ADCY8: variants seen among roughly 807,000 people sequenced by gnomAD.
The protein encoded by ADCY8 is adenylate cyclase 8, also known as adenylate cyclase type 8.
Under a neutral mutation model 119.7 loss-of-function variants are expected in ADCY8, and 51 were observed. The observed-to-expected ratio is 0.43, with a 90% CI of 0.34 to 0.54. The LOEUF (loss-of-function observed/expected upper bound fraction) is 0.54. ADCY8 is among the 20% of genes least tolerant of loss of function. ADCY8 has a pLI of 0.03. For synonymous variants in ADCY8, 665 were observed against 651.0 expected (o/e 1.02, Z -0.33); for missense variants, 1,383 against 1,598.8 (o/e 0.87, Z 2.30).
At chr8:130,952,911 G>C (rs1223646482) in intron 2 of ADCY8, among the ~76,000 whole-genome samples, 2 of 152,188 alleles carry the variant, frequency 1.3e-5, no homozygotes, top group African/African-American at 4.8e-5. Context: ...AGGCTTACAA[G>C]GCACTAGCTC....
rs1178042245 is a variant in ADCY8, at chr8:130,827,435, C to T, written c.2676-6015G>A. On this transcript the variant is annotated intron_variant, in intron 12 of 17. Coordinates refer to ENST00000286355, the MANE Select transcript of ADCY8 (RefSeq NM_001115.3). ...GATTAGGGTGGGGCAGCCAGCTTTC[C>T]CCATGCTCTATGTAAACATCATACC... is the stretch of plus-strand genomic sequence containing the variant. 3.9e-5 allele frequency among the ~76,000 whole-genome samples: 6 copies of T among 152,248 alleles called. No homozygotes were observed. In the East Asian group the frequency reaches 1.2e-3, roughly 29 times the overall value.
At chr8:130,880,183 G>C (rs1170924130) in intron 8 of ADCY8, among the ~76,000 whole-genome samples, 1 of 152,030 alleles carries the variant, frequency 6.6e-6, no homozygotes, top group Non-Finnish European at 1.5e-5. Context: ...CCCCATCTTA[G>C]GTATGTCTTT....
chr8:130,900,810 G>A (rs1340502186), intron 7 of ADCY8, among the ~76,000 whole-genome samples: 4 of 152,150 alleles, frequency 2.6e-5, no homozygotes, highest in South Asian at 2.1e-4. Flanking sequence ...CAAAATTCTC[G>A]TGACTATGAA....
At chr8:130,863,627 C>T (rs1396349678) in intron 9 of ADCY8, among the ~76,000 whole-genome samples, 1 of 151,962 alleles carries the variant, frequency 6.6e-6, no homozygotes, top group Admixed American at 6.5e-5. Context: ...AATTATATTT[C>T]TCTCTTTAAA....
intron 7 of ADCY8, among the ~76,000 whole-genome samples, chr8:130,891,382 G>A (rs1819181901): frequency 6.6e-6 from 1 of 152,164 alleles, no homozygotes; most frequent in Non-Finnish European, 1.5e-5. Context: ...CCCTGGAAGA[G>A]AAGGCTTCTA....
At chr8:130,866,945 G>GA (rs1341885135) in intron 9 of ADCY8, among the ~76,000 whole-genome samples, 2 of 152,104 alleles carry the variant, frequency 1.3e-5, no homozygotes, top group Admixed American at 1.3e-4. Flanking sequence ...TTATGTCTTA[G>GA]AGGTTACAGA....
At position 130,926,960 on chromosome 8, in the gene ADCY8, T is replaced by C. The variant is rs6993359; in HGVS notation, c.1481+10113A>G. Among the ~76,000 whole-genome samples, 764 of 144,126 alleles carry C rather than the reference T, an allele frequency of 5.3e-3. 8 individuals are homozygous for C. The highest frequency in any genetic ancestry group is 0.019 in the African/African-American group (716 of 38,456). 94.6% of individuals were successfully genotyped at this position (144,126 alleles called of 152,430 possible). A position where few individuals can be genotyped will look rare whatever the true frequency, so the allele number is the denominator to read the frequency against. The stretch of plus-strand genomic sequence containing the variant: ...CATTACATATATATATATATATATA[T>C]ACACACACCACATTTTTCTTTATCC... On this transcript the variant is annotated intron_variant, in intron 5 of 17. Coordinates refer to ENST00000286355, the MANE Select transcript of ADCY8 (RefSeq NM_001115.3).
intron 11 of ADCY8, among the ~76,000 whole-genome samples, chr8:130,845,508 G>A (rs79400552): frequency 0.18 from 26,827 of 152,066 alleles, 2,490 homozygotes; most frequent in Middle Eastern, 0.29. Flanking sequence ...GATTGGAAAC[G>A]AAAACCAGCT....
rs377021486 is a variant in ADCY8, at chr8:130,903,387, G to T, written c.1911+385C>A. ...ACAGAACTGATGATGGCCAGCTACCGAAAAAGGGGCATTCCCATGTACTTG... is the reference window on the plus strand; with the variant it reads ...ACAGAACTGATGATGGCCAGCTACCTAAAAAGGGGCATTCCCATGTACTTG... On this transcript the variant is annotated intron_variant, in intron 7 of 17. Transcript: ENST00000286355. Among the ~76,000 whole-genome samples the T allele has an allele frequency of 5.3e-5, 8 of 150,622 alleles. No homozygotes were observed. In the South Asian group the frequency reaches 1.7e-3, roughly 32 times the overall value.
chr8:130,960,036 A>C (rs1291405052), intron 2 of ADCY8, among the ~76,000 whole-genome samples: 1 of 152,184 alleles, frequency 6.6e-6, no homozygotes, highest in Admixed American at 6.5e-5. Context: ...ATATAGAGGG[A>C]AGGAAGAATG....
intron 2 of ADCY8, among the ~76,000 whole-genome samples, chr8:130,987,018 C>T (rs905513372): frequency 9.9e-5 from 15 of 152,108 alleles, no homozygotes; most frequent in African/African-American, 3.4e-4. Flanking sequence ...TCATACTCAT[C>T]CTCCAGGTCC....
chr8:130,804,779 C>T (rs1815890874), intron 14 of ADCY8, among the ~76,000 whole-genome samples: 1 of 152,194 alleles, frequency 6.6e-6, no homozygotes, highest in South Asian at 2.1e-4. Context: ...CAGAGTCTCA[C>T]TCTATTGCCC....
intron 1 of ADCY8, among the ~76,000 whole-genome samples, chr8:130,995,179 A>C (rs1822735180): frequency 6.6e-6 from 1 of 152,218 alleles, no homozygotes; most frequent in Non-Finnish European, 1.5e-5. Context: ...ATGACCATCC[A>C]TGTGCAAAGA....
At chr8:130,816,238 T>G (rs988201220) in intron 13 of ADCY8, among the ~76,000 whole-genome samples, 2 of 152,110 alleles carry the variant, frequency 1.3e-5, no homozygotes, top group Non-Finnish European at 2.9e-5. Context: ...CTGAGTAAAC[T>G]TTAGTACAGA....
intron 8 of ADCY8, among the ~76,000 whole-genome samples, chr8:130,868,500 T>G (rs1818210393): frequency 6.6e-6 from 1 of 152,236 alleles, no homozygotes; most frequent in Non-Finnish European, 1.5e-5. Flanking sequence ...TCGTGTCTGC[T>G]CAAGGCAGCC....
chr8:130,852,641 C>A (rs1817570774), intron 9 of ADCY8, among the ~76,000 whole-genome samples: 1 of 152,110 alleles, frequency 6.6e-6, no homozygotes, highest in African/African-American at 2.4e-5. Flanking sequence ...TGAGTTGGAG[C>A]CTCAAATTCT....
intron 1 of ADCY8, among the ~76,000 whole-genome samples, chr8:131,008,673 G>A (rs1272523311): frequency 2.6e-5 from 4 of 152,192 alleles, no homozygotes; most frequent in South Asian, 2.1e-4. Context: ...AAATGTGGAC[G>A]TGACTTTGGA....
chr8:130,808,097 T>C (rs1437085592), intron 14 of ADCY8, among the ~76,000 whole-genome samples: 1 of 151,708 alleles, frequency 6.6e-6, no homozygotes, highest in African/African-American at 2.4e-5. Context: ...TTCAACACTT[T>C]ATTCCATTAT....
chr8:130,813,888 T>C (rs540840613), intron 14 of ADCY8, among the ~76,000 whole-genome samples, 181 bp downstream of exon 14: 4 of 152,190 alleles, frequency 2.6e-5, no homozygotes, highest in Non-Finnish European at 5.9e-5. Context: ...TATATCCATC[T>C]TGTAGATGAG....
Sources: allele counts gnomAD v4.1 joint callset (sites outside exome capture counted in the v4.1 genomes callset), GRCh38; gene constraint gnomAD v4.1.1; transcripts MANE v1.5; gene names NCBI Gene and HGNC (gene_info 2026-07-23, HGNC 2026-07-21).